PCDH17: variants seen among roughly 807,000 people sequenced by gnomAD.
PCDH17 encodes protocadherin 17, also known as protocadherin-17.
A neutral mutation model predicts 67.7 loss-of-function variants in PCDH17; 21 were observed. The observed-to-expected ratio is 0.31, with a 90% CI of 0.22 to 0.45. The LOEUF (loss-of-function observed/expected upper bound fraction) is 0.45. Ranked by LOEUF, PCDH17 falls within the 20% of genes least tolerant of loss-of-function variation. The pLI is 1.00. For synonymous variants in PCDH17, 701 were observed against 656.7 expected (o/e 1.07, Z -1.03); for missense variants, 1,471 against 1,564.8 (o/e 0.94, Z 1.01).
upstream of PCDH17, among the ~76,000 whole-genome samples, chr13:57,630,303 C>T (rs187709045): frequency 8.6e-5 from 13 of 151,136 alleles, no homozygotes; most frequent in Admixed American, 4.0e-4. Flanking sequence ...TGGGGTGATC[C>T]CGGCAGACAC....
chr13:57,664,601 T>C (rs1392136725), intron 1 of PCDH17, among the ~76,000 whole-genome samples: 1 of 152,186 alleles, frequency 6.6e-6, no homozygotes, highest in African/African-American at 2.4e-5. Context: ...CTTATAATAG[T>C]GCTTACATTT....
intron 1 of PCDH17, among the ~76,000 whole-genome samples, chr13:57,648,737 A>C (rs1178873935): frequency 6.6e-6 from 1 of 152,002 alleles, no homozygotes; most frequent in Non-Finnish European, 1.5e-5. Context: ...ATATTACCTT[A>C]GAGTTATACT....
intron 3 of PCDH17, among the ~76,000 whole-genome samples, chr13:57,686,315 G>A (rs954178471): frequency 6.6e-6 from 1 of 151,834 alleles, no homozygotes; most frequent in Non-Finnish European, 1.5e-5. Context: ...TAGCAGAAAA[G>A]GACTGAGACC....
At chr13:57,695,273 C>T (rs1445487030) in intron 3 of PCDH17, among the ~76,000 whole-genome samples, 2 of 150,890 alleles carry the variant, frequency 1.3e-5, no homozygotes, top group African/African-American at 2.4e-5. Context: ...TATTAAATAA[C>T]TGAAAAAAGG....
intron 1 of PCDH17, among the ~76,000 whole-genome samples, chr13:57,641,578 A>AT (rs1954900238): frequency 2.4e-5 from 2 of 84,840 alleles, no homozygotes; most frequent in Non-Finnish European, 4.4e-5. Context: ...AAAAAAAAAA[A>AT]AAAAAAAAAA....
chr13:57,721,778 C>T (rs1000189200), intron 3 of PCDH17, among the ~76,000 whole-genome samples: 14 of 152,016 alleles, frequency 9.2e-5, no homozygotes, highest in Non-Finnish European at 1.8e-4. Context: ...TGCTTCTTTC[C>T]CTTTCTACTT....
chr13:57,697,756 G>A (rs1326891636), intron 3 of PCDH17, among the ~76,000 whole-genome samples: 1 of 150,572 alleles, frequency 6.6e-6, no homozygotes, highest in Admixed American at 6.6e-5. Flanking sequence ...ATTCATCCTA[G>A]AGCTCAAAAC....
intron 1 of PCDH17, among the ~76,000 whole-genome samples, chr13:57,665,888 G>A (rs191812560): frequency 1.3e-5 from 2 of 152,188 alleles, no homozygotes; most frequent in East Asian, 1.9e-4. Context: ...CGACTGGATT[G>A]TTTGAACATA....
At chr13:57,695,599 A>T (rs1395056199) in intron 3 of PCDH17, among the ~76,000 whole-genome samples, 2 of 151,318 alleles carry the variant, frequency 1.3e-5, no homozygotes, top group Non-Finnish European at 3.0e-5. Flanking sequence ...ACCAATTTTT[A>T]ACATATAGTC....
Position 57,632,460 on chromosome 13 carries a change from A to G in PCDH17, c.-87A>G. ...GACTTGTGGCTCGCGTCGCGCGCGC[A>G]CGCTGCGCCAGGGCCCCAGGCTGGC... is the stretch of plus-strand genomic sequence containing the variant. On this transcript the variant is annotated 5_prime_UTR_variant, in exon 1 of 4. Coordinates refer to ENST00000377918, the MANE Select transcript of PCDH17 (RefSeq NM_001040429.3). The G allele has an allele frequency of 7.2e-7, 1 of 1,385,148 alleles. No homozygotes were observed. The highest frequency in any genetic ancestry group is 9.7e-7 in the Non-Finnish European group (1 of 1,027,404). 85.8% of individuals were successfully genotyped at this position (1,385,148 alleles called of 1,614,324 possible).
At chr13:57,679,181 CTT>C in intron 3 of PCDH17, among the ~76,000 whole-genome samples, 1 of 151,106 alleles carries the variant, frequency 6.6e-6, no homozygotes, top group East Asian at 2.0e-4. Context: ...AATATGCAGT[CTT>C]ATATTTAATT....
At chr13:57,693,050 T>C (rs986226329) in intron 3 of PCDH17, among the ~76,000 whole-genome samples, 1 of 150,602 alleles carries the variant, frequency 6.6e-6, no homozygotes, top group East Asian at 2.0e-4. Flanking sequence ...CAAAAAGAAA[T>C]CCATGACTCA....
At chr13:57,674,538 G>T (rs1370003932) in intron 3 of PCDH17, among the ~76,000 whole-genome samples, 1 of 151,814 alleles carries the variant, frequency 6.6e-6, no homozygotes, top group Non-Finnish European at 1.5e-5. Flanking sequence ...CATTGGCCAG[G>T]CTGCTCTTGA....
intron 1 of PCDH17, among the ~76,000 whole-genome samples, chr13:57,656,044 T>G (rs766609296): frequency 3.3e-5 from 5 of 152,038 alleles, no homozygotes; most frequent in Non-Finnish European, 5.9e-5. Flanking sequence ...GATGGACAAA[T>G]CTATGAAAGT....
chr13:57,659,103 T>TTGTGTGTGTGTGTG (rs71083322), intron 1 of PCDH17, among the ~76,000 whole-genome samples: 142 of 139,848 alleles, frequency 1.0e-3, no homozygotes, highest in South Asian at 3.8e-3. Context: ...GTTATTTATA[T>TTGTGTGTGTGTGTG]TGTGTGTGTG....
At chr13:57,671,550 C>T (rs1443130397) in intron 3 of PCDH17, among the ~76,000 whole-genome samples, 1 of 151,598 alleles carries the variant, frequency 6.6e-6, no homozygotes, top group Non-Finnish European at 1.5e-5. Flanking sequence ...CATTAGAAGC[C>T]CTGTAAATTA....
rs1424352990 is a variant in PCDH17 at position 57,712,360 on chromosome 13, A to G, written c.2798-12252A>G. The stretch of plus-strand genomic sequence containing the variant: ...TTATGTGTCCAATAGAAGTGTCCAC[A>G]TTCTCTGATTGACTTATGAATTATA... On this transcript the variant is annotated intron_variant, in intron 3 of 3. Transcript: ENST00000377918. Among the ~76,000 whole-genome samples, 23 of 151,680 alleles carry G rather than the reference A, an allele frequency of 1.5e-4. No homozygotes were observed. The Admixed American group carries it at 1.5e-3, about 10-fold the overall frequency.
intron 1 of PCDH17, among the ~76,000 whole-genome samples, chr13:57,649,057 A>T (rs1955004022): frequency 6.6e-6 from 1 of 152,096 alleles, no homozygotes; most frequent in Non-Finnish European, 1.5e-5. Context: ...AAGAGTCATG[A>T]TTAGACAGGT....
At chr13:57,643,119 G>A (rs1017720779) in intron 1 of PCDH17, among the ~76,000 whole-genome samples, 2 of 151,458 alleles carry the variant, frequency 1.3e-5, no homozygotes, top group African/African-American at 4.8e-5. Context: ...CGGCGACATA[G>A]AAATTGCATA....
Sources: gnomAD v4.1 joint callset for allele counts (sites outside exome capture counted in the v4.1 genomes callset) on GRCh38, gnomAD v4.1.1 for gene constraint, MANE v1.5 for transcripts, NCBI Gene and HGNC (gene_info 2026-07-23, HGNC 2026-07-21) for gene names.